ALDH3B2: variants seen among roughly 807,000 people sequenced by gnomAD.
ALDH3B2 encodes aldehyde dehydrogenase family 3 member B2.
ALDH3B2 carries 45 observed loss-of-function variants against 36.7 expected under a neutral mutation model. That is an observed-to-expected ratio of 1.23 (90% confidence interval 0.97 to 1.57). The LOEUF (loss-of-function observed/expected upper bound fraction) is 1.57. Ranked by LOEUF, ALDH3B2 falls within the 40% of genes most tolerant of loss-of-function variation. The pLI is 0.00. For synonymous variants in ALDH3B2, 217 were observed against 226.5 expected, an observed-to-expected ratio of 0.96 and a Z score of 0.38; for missense variants, 464 against 513.3, an observed-to-expected ratio of 0.90 and a Z score of 0.93.
At chr11:67,667,543 T>C in exon 2 of ALDH3B2, 1 of 384,288 alleles carries the variant, frequency 2.6e-6, no homozygotes, top group Non-Finnish European at 4.7e-6. Context: ...GCCCAGGCCC[T>C]GGAGCTGCGC....
At chr11:67,664,689 C>A (rs61423854) in intron 7 of ALDH3B2, 127 bp from the exon 8 acceptor site, 5 of 1,354,220 alleles carry the variant, frequency 3.7e-6, no homozygotes, top group African/African-American at 1.5e-5. Context: ...GACTTCCCAG[C>A]GCTTCAGGCT....
intron 1 of ALDH3B2, among the ~76,000 whole-genome samples, chr11:67,669,892 G>A (rs1230154133): frequency 1.4e-5 from 2 of 146,210 alleles, no homozygotes; most frequent in Admixed American, 6.8e-5. Context: ...GTCTGCGTAT[G>A]GGTGTGTGTG....
upstream of ALDH3B2, among the ~76,000 whole-genome samples, chr11:67,678,367 G>A (rs948797227): frequency 6.6e-5 from 10 of 152,056 alleles, no homozygotes; most frequent in Admixed American, 2.0e-4. Context: ...CATAAAGTGG[G>A]GAAAGGACAC....
upstream of ALDH3B2, among the ~76,000 whole-genome samples, chr11:67,679,647 C>G (rs1856334250): frequency 1.3e-5 from 2 of 151,456 alleles, no homozygotes; most frequent in Admixed American, 1.3e-4. Context: ...GGCATGGTAG[C>G]AGGCACCTGT....
At chr11:67,676,563 C>A (rs1281744920), upstream of ALDH3B2, among the ~76,000 whole-genome samples, 1 of 151,462 alleles carries the variant, frequency 6.6e-6, no homozygotes, top group African/African-American at 2.4e-5. Context: ...CGAGAACAAT[C>A]CAAACCCAAA....
chr11:67,669,324 G>A (rs1856012632), intron 1 of ALDH3B2, among the ~76,000 whole-genome samples: 1 of 150,922 alleles, frequency 6.6e-6, no homozygotes, highest in East Asian at 2.0e-4. Flanking sequence ...ATGGGTGTCT[G>A]TGTATGTATC....
upstream of ALDH3B2, among the ~76,000 whole-genome samples, chr11:67,678,591 A>G (rs1310952511): frequency 6.6e-6 from 1 of 151,636 alleles, no homozygotes; most frequent in Middle Eastern, 3.2e-3. Flanking sequence ...AAACTATGAT[A>G]TATATATACA....
chr11:67,664,117 C>T (rs112039017), intron 8 of ALDH3B2: 135 of 581,142 alleles, frequency 2.3e-4, no homozygotes, highest in South Asian at 2.0e-3. Flanking sequence ...ACCTCCATTC[C>T]GGGCCTCTGC....
chr11:67,666,607 T>G lies in ALDH3B2; in HGVS notation c.118A>C (p.Thr40Pro), dbSNP rs74508424. The G allele has an allele frequency of 4.6e-3, 7,385 of 1,613,400 alleles. 245 individuals are homozygous for G. In the African/African-American group the frequency reaches 0.075, roughly 16 times the overall value. ...AGGGCGCCCACCAGGAGCACCAGGG[T>G]CAGGTTCAGTGGGTAGTTCCAGGGT... Residue 40 changes from threonine to proline, a missense_variant, in exon 4 of 10, where the codon ACC (threonine) becomes CCC (proline). Thr to Pro is a conservative substitution (Grantham distance 38). Transcript: ENST00000349015.
exon 7 of ALDH3B2, chr11:67,665,415 G>A (rs373030142): frequency 5.8e-5 from 94 of 1,614,046 alleles, no homozygotes; most frequent in African/African-American, 4.7e-4. Context: ...GGGGGTCGTC[G>A]CCATAGAAAC....
chr11:67,675,447 C>T (rs1856247558), upstream of ALDH3B2, among the ~76,000 whole-genome samples: 1 of 152,190 alleles, frequency 6.6e-6, no homozygotes, highest in South Asian at 2.1e-4. Flanking sequence ...TCAGGTCCTG[C>T]CACTGTCCTT....
intron 2 of ALDH3B2, 94 bp downstream of exon 2, chr11:67,667,379 G>C (rs757001178): frequency 7.8e-5 from 28 of 357,624 alleles, no homozygotes; most frequent in Non-Finnish European, 1.3e-4. Context: ...AATAAAACTA[G>C]GGACATAGCC....
chr11:67,673,491 C>T (rs866918718), intron 1 of ALDH3B2, among the ~76,000 whole-genome samples: 2 of 152,216 alleles, frequency 1.3e-5, no homozygotes, highest in Non-Finnish European at 2.9e-5. Context: ...GGGAGGGCCT[C>T]TTGGAGGGCA....
chr11:67,675,769 T>C (rs1179344090), upstream of ALDH3B2, among the ~76,000 whole-genome samples: 3 of 152,256 alleles, frequency 2.0e-5, no homozygotes, highest in Non-Finnish European at 4.4e-5. Context: ...AGATGGGTTA[T>C]GGCCACTGGG....
chr11:67,670,332 G>A (rs910121727), intron 1 of ALDH3B2, among the ~76,000 whole-genome samples: 1 of 151,514 alleles, frequency 6.6e-6, no homozygotes, highest in Non-Finnish European at 1.5e-5. Flanking sequence ...ATGTGTGTCT[G>A]TGTGTGTATG....
chr11:67,677,050 T>C (rs1856285577), upstream of ALDH3B2, among the ~76,000 whole-genome samples: 1 of 152,128 alleles, frequency 6.6e-6, no homozygotes, highest in South Asian at 2.1e-4. Flanking sequence ...ACCAATCCTT[T>C]TGACACTATT....
chr11:67,672,952 A>T (rs1856171899), intron 1 of ALDH3B2, among the ~76,000 whole-genome samples: 1 of 129,066 alleles, frequency 7.7e-6, no homozygotes, highest in African/African-American at 3.0e-5. Context: ...TTTTTTTGAG[A>T]CGGAGTCTCA....
At chr11:67,663,694 A>G (rs202204174) in exon 9 of ALDH3B2, 2 of 1,612,918 alleles carry the variant, frequency 1.2e-6, no homozygotes, top group African/African-American at 1.3e-5. Flanking sequence ...CAGCAGAGAT[A>G]TGTAGGTGAA....
chr11:67,664,093 C>G (rs1358108151), intron 8 of ALDH3B2: 2 of 565,156 alleles, frequency 3.5e-6, no homozygotes, highest in Admixed American at 3.1e-5. Flanking sequence ...GGCCCCTGCT[C>G]TGCTCTGTCC....
Sources: gnomAD v4.1 joint callset for allele counts (sites outside exome capture counted in the v4.1 genomes callset) on GRCh38, gnomAD v4.1.1 for gene constraint, MANE v1.5 for transcripts, NCBI Gene and HGNC (gene_info 2026-07-23, HGNC 2026-07-21) for gene names.